Variants in BIRC6 observed in about 807,000 individuals in gnomAD.
BIRC6 encodes the protein dual E2 ubiquitin-conjugating enzyme/E3 ubiquitin-protein ligase BIRC6.
In BIRC6, 98 loss-of-function variants were observed where a neutral mutation model predicts 503.3. That is an observed-to-expected ratio of 0.19 (90% CI 0.17 to 0.23). The LOEUF is 0.23. Ranked by LOEUF, BIRC6 falls within the 10% of genes least tolerant of loss-of-function variation. The probability of loss-of-function intolerance (pLI) is 1.00; values close to 1 mark genes in which losing one functional copy is unlikely to be tolerated. For missense variants in BIRC6, 5,360 were observed against 5,806.0 expected (o/e 0.92, Z 2.50); for synonymous variants, 2,240 against 2,078.7 (o/e 1.08, Z -2.11).
intron 8 of BIRC6, among the ~76,000 whole-genome samples, chr2:32,402,155 A>G (rs914961122): frequency 7.9e-5 from 12 of 152,290 alleles, no homozygotes; most frequent in African/African-American, 2.6e-4. Context: ...TTTTGGTAAA[A>G]TTGCTGTTCT....
intron 60 of BIRC6, among the ~76,000 whole-genome samples, chr2:32,530,500 G>A (rs897172608): frequency 2.6e-5 from 4 of 152,084 alleles, no homozygotes; most frequent in South Asian, 2.1e-4. Flanking sequence ...ATGAGCCACC[G>A]CACCCGGCCC....
rs372548269 is a variant in BIRC6, at chr2:32,545,674, G to A, written c.12624G>A (p.Val4208=). Reference sequence around the variant, plus strand: ...TTCTTCAATCTCCATCAGCCAATGTGCTTCCAACCCTTCCTTTCCACGTCC... The same window carrying A: ...TTCTTCAATCTCCATCAGCCAATGTACTTCCAACCCTTCCTTTCCACGTCC... ...SHILQSPSAN[V]LPTLPFHVLR... The change falls in exon 63 of 74, where the codon GTG becomes GTA. Residue 4208 remains valine (V), a synonymous_variant. Transcript: ENST00000421745. 62 of 1,613,622 alleles carry A rather than the reference G, an allele frequency of 3.8e-5. No homozygotes were observed. Among genetic ancestry groups the A allele is most frequent in the Non-Finnish European group, 4.7e-5 (55 of 1,179,750 alleles).
chr2:32,461,071 TCCTCTCCTCTCC>T, intron 23 of BIRC6, among the ~76,000 whole-genome samples: 17 of 5,672 alleles, frequency 3.0e-3, no homozygotes, highest in African/African-American at 7.8e-3. Context: ...TCTTCTGTTC[TCCTCTCCTCTCC>T]TCTCCTCTCC....
At chr2:32,370,519 C>G (rs2035777754) in intron 1 of BIRC6, among the ~76,000 whole-genome samples, 1 of 152,148 alleles carries the variant, frequency 6.6e-6, no homozygotes, top group Non-Finnish European at 1.5e-5. Flanking sequence ...GTGGTGCAGT[C>G]ACTGACCTTT....
intron 1 of BIRC6, among the ~76,000 whole-genome samples, chr2:32,376,583 A>G (rs1346874774): frequency 6.6e-6 from 1 of 152,130 alleles, no homozygotes; most frequent in Non-Finnish European, 1.5e-5. Flanking sequence ...TTAATTTTTT[A>G]GATATTTCTA....
chr2:32,433,647 C>T lies in BIRC6; in HGVS notation c.3252C>T (p.Asn1084=), dbSNP rs923249870. 8.4e-6 allele frequency: 13 copies of T among 1,550,188 alleles called. No homozygotes were observed. The African/African-American group carries it at 9.4e-5, about 11-fold the overall frequency. ...CATTTTTCCCCTTATTTGACAGCAA[C>T]AGCTGGGATGAACATGTATTTGAAT... ...TRTWKLQTDS[N]SWDEHVFELV... Residue 1084 remains asparagine, a synonymous_variant, in exon 13 of 74, where the codon AAC becomes AAT. Coordinates refer to ENST00000421745, the MANE Select transcript of BIRC6 (RefSeq NM_016252.4).
chr2:32,365,293 T>C (rs1351054318), intron 1 of BIRC6, among the ~76,000 whole-genome samples: 1 of 151,884 alleles, frequency 6.6e-6, no homozygotes, highest in East Asian at 1.9e-4. Context: ...TACAGAATAC[T>C]GCTTGACTCA....
chr2:32,598,342 CA>C (rs1170890626), intron 69 of BIRC6, among the ~76,000 whole-genome samples: 1 of 152,104 alleles, frequency 6.6e-6, no homozygotes, highest in African/African-American at 2.4e-5. Flanking sequence ...GTCACAATAT[CA>C]AAGGATTTAA....
chr2:32,508,628 G>A (rs970482813), intron 51 of BIRC6, among the ~76,000 whole-genome samples: 2 of 151,968 alleles, frequency 1.3e-5, no homozygotes, highest in African/African-American at 2.4e-5. Context: ...TAGAAACAGC[G>A]ACCTAGTCTT....
At chr2:32,504,940 G>T in intron 49 of BIRC6, 65 bp from the exon 50 acceptor site, 1 of 1,372,498 alleles carries the variant, frequency 7.3e-7, no homozygotes, top group Non-Finnish European at 1.0e-6. Flanking sequence ...TATTTGTATA[G>T]ATTTTAAAGC....
intron 61 of BIRC6, among the ~76,000 whole-genome samples, chr2:32,532,397 T>C (rs1207515326): frequency 1.3e-5 from 2 of 152,182 alleles, no homozygotes; most frequent in African/African-American, 4.8e-5. Flanking sequence ...CCAGTAGTTC[T>C]TGCTGTTCAT....
At chr2:32,434,354 TG>T (rs1011264799) in intron 13 of BIRC6, among the ~76,000 whole-genome samples, 1 of 152,156 alleles carries the variant, frequency 6.6e-6, no homozygotes, top group African/African-American at 2.4e-5. Context: ...CACGGTAAAA[TG>T]GCAACTTAAC....
In BIRC6 at chr2:32,515,226, C is replaced by G. The variant is rs1238768678; in HGVS notation, c.10805C>G (p.Pro3602Arg). 2.5e-6 allele frequency: 4 copies of G among 1,613,718 alleles called. No individual in the cohort carries two copies. Among genetic ancestry groups the G allele is most frequent in the Non-Finnish European group, 3.4e-6 (4 of 1,179,872 alleles). Reference protein sequence around the residue: ...LTDDSKNAQAPLALTESHLAT... With the variant: ...LTDDSKNAQARLALTESHLAT... Reference sequence around the variant, plus strand: ...GATGACTCTAAAAATGCACAAGCACCTCTCGCATTAACTGAATCACATTTG... The same window carrying G: ...GATGACTCTAAAAATGCACAAGCACGTCTCGCATTAACTGAATCACATTTG... Residue 3602 changes from proline (P) to arginine (R), a missense_variant, in exon 55 of 74, where the codon CCT becomes CGT. Physicochemically the swap from Pro to Arg is moderately radical, Grantham distance 103 (BLOSUM62 -2). Transcript: ENST00000421745.
In BIRC6 at chr2:32,518,789, CTGATTTCTT is replaced by C. The variant is rs1490801643; in HGVS notation, c.11494-18_11494-10del. 3.7e-6 allele frequency: 6 copies of C among 1,603,738 alleles called. No individual in the cohort carries two copies. The highest frequency in any genetic ancestry group is 2.7e-5 in the African/African-American group (2 of 74,580). On this transcript the variant is annotated intron_variant, in intron 56 of 73. Coordinates refer to ENST00000421745, the MANE Select transcript of BIRC6 (RefSeq NM_016252.4). The stretch of plus-strand genomic sequence containing the variant: ...AATATGTATTCCAAAAAGTTACTTC[CTGATTTCTT>C]TGATTTCTTGATTTTCAGCTGTACA...
intron 69 of BIRC6, 60 bp downstream of exon 69, chr2:32,598,028 A>C: frequency 7.3e-7 from 1 of 1,372,408 alleles, no homozygotes; most frequent in Non-Finnish European, 9.9e-7. Context: ...TAATTACTCA[A>C]ATTTTTATAC....
intron 45 of BIRC6, 124 bp downstream of exon 45, chr2:32,493,791 T>G (rs982976891): frequency 1.4e-6 from 1 of 714,032 alleles, no homozygotes; most frequent in African/African-American, 1.8e-5. Context: ...CGGTAGTAAT[T>G]AAGGGGGAAG....
At chr2:32,370,026 G>GTA (rs1271411354) in intron 1 of BIRC6, among the ~76,000 whole-genome samples, 2 of 121,396 alleles carry the variant, frequency 1.6e-5, no homozygotes, top group South Asian at 2.8e-4. Context: ...ATATATGTAT[G>GTA]TATATATATG....
At chr2:32,431,266 G>A (rs1308404802) in intron 12 of BIRC6, among the ~76,000 whole-genome samples, 176 bp downstream of exon 12, 2 of 122,338 alleles carry the variant, frequency 1.6e-5, no homozygotes, top group Non-Finnish European at 3.2e-5. Flanking sequence ...CGCAATCTCG[G>A]CTCACTGCAA....
At position 32,473,723 on chromosome 2, in the gene BIRC6, GTGTGTGTGTGTGTGTGTGTGTGTGTGTA is replaced by G. The variant is rs1382408077; in HGVS notation, c.6720+486_6720+513del. Reference sequence around the variant, plus strand: ...TCCTTTTTCGTGTGTGTGTGTGTGTGTGTGTGTGTGTGTGTGTGTGTGTGTGTATTTTTTTTTTTTTTTTTTTGAGACA... The same window carrying G: ...TCCTTTTTCGTGTGTGTGTGTGTGTGTTTTTTTTTTTTTTTTTTTGAGACA... On this transcript the variant is annotated intron_variant, in intron 33 of 73. Coordinates refer to ENST00000421745, the MANE Select transcript of BIRC6 (RefSeq NM_016252.4). Among the ~76,000 whole-genome samples the G allele has an allele frequency of 1.8e-3, 241 of 135,056 alleles. 1 individual carries two copies. The highest frequency in any genetic ancestry group is 6.4e-3 in the African/African-American group (229 of 36,018). The allele number at this position is 135,056 out of a possible 152,430, so 88.6% of individuals were successfully genotyped here. A position where few individuals can be genotyped will look rare whatever the true frequency, so the allele number is the denominator to read the frequency against.
Sources: allele counts gnomAD v4.1 joint callset (sites outside exome capture counted in the v4.1 genomes callset), GRCh38; gene constraint gnomAD v4.1.1; transcripts MANE v1.5; gene names NCBI Gene and HGNC (gene_info 2026-07-23, HGNC 2026-07-21).